ROBO1: variants seen among roughly 807,000 people sequenced by gnomAD.
ROBO1 encodes the protein roundabout homolog 1.
A neutral mutation model predicts 195.9 loss-of-function variants in ROBO1; 149 were observed. The observed-to-expected ratio is 0.76, with a 90% CI of 0.67 to 0.87. The LOEUF (loss-of-function observed/expected upper bound fraction) is 0.87, where lower values mean the gene tolerates loss of function less well. ROBO1 is among the 40% of genes least tolerant of loss of function. The probability of loss-of-function intolerance (pLI) is 0.00; values close to 1 mark genes in which losing one functional copy is unlikely to be tolerated. For missense variants in ROBO1, 1,933 were observed against 2,068.3 expected (o/e 0.93, Z 1.27); for synonymous variants, 816 against 733.2 (o/e 1.11, Z -1.82).
chr3:79,274,371 G>A (rs1289886695), intron 2 of ROBO1, among the ~76,000 whole-genome samples: 3 of 151,684 alleles, frequency 2.0e-5, no homozygotes, highest in Non-Finnish European at 4.4e-5. Flanking sequence ...AAAAATACAC[G>A]GAAATTAAAC....
chr3:79,240,783 A>AG (rs1254094770), intron 2 of ROBO1, among the ~76,000 whole-genome samples: 1 of 152,070 alleles, frequency 6.6e-6, no homozygotes, highest in Admixed American at 6.6e-5. Flanking sequence ...CTGGGACTAC[A>AG]GGCATGTGCC....
intron 2 of ROBO1, among the ~76,000 whole-genome samples, chr3:79,246,438 T>C (rs1173311247): frequency 6.6e-6 from 1 of 152,094 alleles, no homozygotes; most frequent in East Asian, 1.9e-4. Context: ...AATATTTGTT[T>C]TTATGCTGAT....
chr3:79,704,229 C>G (rs562990827), intron 1 of ROBO1, among the ~76,000 whole-genome samples: 21 of 151,996 alleles, frequency 1.4e-4, no homozygotes, highest in South Asian at 4.1e-4. Context: ...AATTAGAGTT[C>G]ACTCTTGGTG....
intron 8 of ROBO1, among the ~76,000 whole-genome samples, chr3:78,704,601 C>T (rs963195633): frequency 6.9e-6 from 1 of 145,962 alleles, no homozygotes; most frequent in African/African-American, 2.6e-5. Flanking sequence ...CACATACACA[C>T]ACACACACAC....
chr3:78,646,267 C>T (rs376351793), intron 20 of ROBO1, 77 bp from the exon 21 acceptor site: 1 of 1,342,482 alleles, frequency 7.4e-7, no homozygotes. Flanking sequence ...TCATGAGCTT[C>T]TTTCTAAAAT....
At chr3:79,679,820 T>C (rs1946890123) in intron 1 of ROBO1, among the ~76,000 whole-genome samples, 1 of 151,910 alleles carries the variant, frequency 6.6e-6, no homozygotes, top group Non-Finnish European at 1.5e-5. Context: ...TTTTCTCACA[T>C]AGACTACAGG....
At chr3:79,418,162 C>T (rs913083303) in intron 2 of ROBO1, among the ~76,000 whole-genome samples, 3 of 152,144 alleles carry the variant, frequency 2.0e-5, no homozygotes, top group African/African-American at 7.2e-5. Flanking sequence ...TTTACTTTCT[C>T]TAAGAAGCTC....
At chr3:78,757,775 A>C (rs549830886) in intron 4 of ROBO1, among the ~76,000 whole-genome samples, 1 of 152,310 alleles carries the variant, frequency 6.6e-6, no homozygotes, top group African/African-American at 2.4e-5. Context: ...TGATAGAAAA[A>C]ACCAAGTCTA....
intron 2 of ROBO1, among the ~76,000 whole-genome samples, chr3:79,401,466 TA>T (rs762402826): frequency 6.6e-6 from 1 of 151,862 alleles, no homozygotes; most frequent in African/African-American, 2.4e-5. Context: ...TAATATTTAA[TA>T]ATAAATGAGG....
At chr3:79,048,054 C>T (rs1576610154) in intron 3 of ROBO1, among the ~76,000 whole-genome samples, 1 of 152,128 alleles carries the variant, frequency 6.6e-6, no homozygotes, top group African/African-American at 2.4e-5. Flanking sequence ...ATCTTCACTT[C>T]TTGGTGTAAC....
intron 4 of ROBO1, 36 bp from the exon 5 acceptor site, chr3:78,746,936 TGATA>T (rs2082673850): frequency 3.5e-6 from 5 of 1,423,344 alleles, no homozygotes; most frequent in Admixed American, 2.2e-5. Context: ...TACCCAAAAG[TGATA>T]GATACAGTCC....
intron 1 of ROBO1, among the ~76,000 whole-genome samples, chr3:79,705,779 C>G (rs148155653): frequency 6.6e-6 from 1 of 152,160 alleles, no homozygotes; most frequent in Non-Finnish European, 1.5e-5. Flanking sequence ...GAACTGACAT[C>G]TTGATAATAT....
intron 2 of ROBO1, among the ~76,000 whole-genome samples, chr3:79,318,713 G>T (rs1576968251): frequency 1.3e-5 from 2 of 152,050 alleles, no homozygotes; most frequent in African/African-American, 4.8e-5. Flanking sequence ...TTTATCTAGG[G>T]TCATCTAGAC....
In ROBO1 at chr3:78,938,732, G is replaced by A. The variant is rs757469885; in HGVS notation, c.368C>T (p.Pro123Leu). Residue 123 changes from proline (P) to leucine (L), a missense_variant, in exon 4 of 31, where the codon CCG becomes CTG. Pro to Leu is a moderately conservative substitution (Grantham distance 98). This residue lies in a region of ROBO1 where 185 missense variants were observed against 159.5 expected (regional missense o/e 1.16). Coordinates refer to ENST00000464233, the MANE Select transcript of ROBO1 (RefSeq NM_002941.4). The part of the protein sequence containing the change: ...DDPRSHRMLL[P>L]SGSLFFLRIV... ...ACGTAAGAAAAATAAAGATCCACTCGGCAGCAACATTCGGTGTGAGCGAGG... is the reference window on the plus strand; with the variant it reads ...ACGTAAGAAAAATAAAGATCCACTCAGCAGCAACATTCGGTGTGAGCGAGG... The A allele has an allele frequency of 1.7e-5, 28 of 1,613,730 alleles. No individual in the cohort carries two copies. The highest frequency in any genetic ancestry group is 2.1e-5 in the Non-Finnish European group (25 of 1,179,886).
chr3:79,205,475 A>G (rs2081850951), intron 2 of ROBO1, among the ~76,000 whole-genome samples: 1 of 152,314 alleles, frequency 6.6e-6, no homozygotes, highest in East Asian at 1.9e-4. Flanking sequence ...AATATACAAT[A>G]TTGGGCCTGA....
intron 4 of ROBO1, among the ~76,000 whole-genome samples, chr3:78,896,464 G>T (rs2037235796): frequency 6.6e-6 from 1 of 151,452 alleles, no homozygotes; most frequent in African/African-American, 2.4e-5. Flanking sequence ...CCCTTAAGAA[G>T]ATTATTTGTA....
Position 79,578,415 on chromosome 3 carries a change from ATAT to A in ROBO1, c.88+11406_88+11408del, listed in dbSNP as rs1316613289. On this transcript the variant is annotated intron_variant, in intron 2 of 30. Transcript: ENST00000464233. ...TCAGTTGCTGGTTGATTAAGGAGTA[ATAT>A]TGCCTTCTCATTAGTATTGGTCAAT... Among the ~76,000 whole-genome samples the A allele has an allele frequency of 3.9e-5, 6 of 152,200 alleles. 2 individuals carry two copies. The highest frequency in any genetic ancestry group is 7.3e-5 in the Non-Finnish European group (5 of 68,038).
At chr3:79,434,804 G>A (rs2038822320) in intron 2 of ROBO1, among the ~76,000 whole-genome samples, 1 of 152,020 alleles carries the variant, frequency 6.6e-6, no homozygotes, top group South Asian at 2.1e-4. Context: ...CAAAGACTTG[G>A]AACCAACCCA....
chr3:78,987,549 T>G (rs1261457407), intron 3 of ROBO1, among the ~76,000 whole-genome samples: 1 of 152,166 alleles, frequency 6.6e-6, no homozygotes, highest in African/African-American at 2.4e-5. Context: ...TTAAAACATT[T>G]ATAGTTTTAA....
Sources: gnomAD v4.1 joint callset for allele counts (sites outside exome capture counted in the v4.1 genomes callset) on GRCh38, gnomAD v4.1.1 for gene constraint, gnomAD v4.1.1 regional missense constraint, MANE v1.5 for transcripts, NCBI Gene and HGNC (gene_info 2026-07-23, HGNC 2026-07-21) for gene names.